The following ABCB4 variants were observed in gnomAD, a reference collection of about 807,000 sequenced individuals.
ABCB4 encodes phosphatidylcholine translocator ABCB4.
In ABCB4, 76 loss-of-function variants were observed where a neutral mutation model predicts 145.7. The ratio of observed to expected loss-of-function variants is 0.52; its 90% CI spans 0.43 to 0.63. The LOEUF (loss-of-function observed/expected upper bound fraction) is 0.63, where lower values mean the gene tolerates loss of function less well. Among genes scored for constraint, ABCB4 ranks in the 30% least tolerant of loss-of-function variants. The pLI, the probability that ABCB4 is intolerant of heterozygous loss-of-function variation, is 0.00. For synonymous variants in ABCB4, 517 were observed against 566.8 expected (o/e 0.91, Z 1.25); for missense variants, 1,234 against 1,553.1 (o/e 0.79, Z 3.45).
chr7:87,418,700 A>G, intron 19 of ABCB4, 80 bp from the exon 20 acceptor site: 1 of 1,370,044 alleles, frequency 7.3e-7, no homozygotes, highest in Non-Finnish European at 1.0e-6. Flanking sequence ...CCAAAGCTCC[A>G]ATGCTGAGGA....
the ABCB4 span, among the ~76,000 whole-genome samples, chr7:87,390,260 AGT>A: frequency 6.6e-6 from 1 of 152,164 alleles, no homozygotes; most frequent in Non-Finnish European, 1.5e-5. Context: ...TAAGATTAAG[AGT>A]GTGTTTACTT....
chr7:87,429,913 T>TA (rs1562967438), intron 15 of ABCB4, among the ~76,000 whole-genome samples: 6 of 128,170 alleles, frequency 4.7e-5, no homozygotes, highest in African/African-American at 1.8e-4. Flanking sequence ...CTTTTTTTTT[T>TA]TAAAAAAAAA....
intron 3 of ABCB4, among the ~76,000 whole-genome samples, chr7:87,468,611 C>T (rs901279103): frequency 3.3e-5 from 5 of 152,114 alleles, no homozygotes; most frequent in East Asian, 1.9e-4. Context: ...ATATCCCTGA[C>T]GAACATCAAT....
intron 21 of ABCB4, among the ~76,000 whole-genome samples, chr7:87,415,907 T>C (rs990004386): frequency 1.4e-4 from 21 of 152,148 alleles, no homozygotes; most frequent in Admixed American, 1.4e-3. Context: ...CCATATGAAA[T>C]GTGGAAAGAA....
intron 3 of ABCB4, among the ~76,000 whole-genome samples, chr7:87,468,238 C>T (rs559472082): frequency 6.6e-6 from 1 of 152,300 alleles, no homozygotes; most frequent in South Asian, 2.1e-4. Context: ...CACAGAAATA[C>T]AAACTACCAT....
chr7:87,385,439 A>G, the ABCB4 span, among the ~76,000 whole-genome samples: 1 of 151,758 alleles, frequency 6.6e-6, no homozygotes, highest in South Asian at 2.1e-4. Flanking sequence ...GGTATTTTAT[A>G]TTCTTTGTAG....
At position 87,471,586 on chromosome 7, in the gene ABCB4, G is replaced by T. The variant is rs576722300; in HGVS notation, c.135+1035C>A. ...AGTGTTTGAGAGTGTGGATGTTTTG[G>T]TGTCTTTTTATCCATTTAATTACTA... is the stretch of plus-strand genomic sequence containing the variant. On this transcript the variant is annotated intron_variant, in intron 3 of 27. Transcript: ENST00000649586. Among the ~76,000 whole-genome samples the T allele has an allele frequency of 2.2e-4, 34 of 152,186 alleles. No individual in the cohort carries two copies. The South Asian group carries it at 3.9e-3, about 18-fold the overall frequency.
chr7:87,401,151 A>G (rs1423906871), downstream of ABCB4, among the ~76,000 whole-genome samples: 1 of 152,220 alleles, frequency 6.6e-6, no homozygotes, highest in Non-Finnish European at 1.5e-5. Flanking sequence ...TGATCCACTC[A>G]CACAGTGGTC....
At chr7:87,391,733 A>G in the ABCB4 span, 4 of 1,596,186 alleles carry the variant, frequency 2.5e-6, no homozygotes, top group Middle Eastern at 3.3e-4. Context: ...GAAAGGAAAA[A>G]AACTCACAAG....
chr7:87,375,647 C>T, the ABCB4 span: 2 of 1,612,732 alleles, frequency 1.2e-6, no homozygotes, highest in Non-Finnish European at 1.7e-6. Flanking sequence ...TGACATATAT[C>T]CACAAGAAGT....
the ABCB4 span, among the ~76,000 whole-genome samples, chr7:87,389,394 CTAGA>C: frequency 6.6e-6 from 1 of 152,082 alleles, no homozygotes; most frequent in Admixed American, 6.5e-5. Flanking sequence ...CAATGATAGA[CTAGA>C]TAAAGAAAAT....
chr7:87,384,786 C>T, the ABCB4 span, among the ~76,000 whole-genome samples: 5 of 152,140 alleles, frequency 3.3e-5, no homozygotes, highest in African/African-American at 1.2e-4. Flanking sequence ...AAATATTTGC[C>T]CAGTTCAGTG....
At chr7:87,408,729 A>C (rs748178822) in intron 24 of ABCB4, among the ~76,000 whole-genome samples, 14 of 152,192 alleles carry the variant, frequency 9.2e-5, no homozygotes, top group Non-Finnish European at 1.9e-4. Flanking sequence ...GTTAAGTCCT[A>C]GCCTCTTTAC....
chr7:87,415,962 C>A (rs1808944230), intron 21 of ABCB4, among the ~76,000 whole-genome samples: 2 of 152,140 alleles, frequency 1.3e-5, no homozygotes, highest in Non-Finnish European at 2.9e-5. Context: ...CACAGTGTTT[C>A]TTCAGCAGTT....
chr7:87,417,492 T>C lies in ABCB4; in HGVS notation c.2502A>G (p.Leu834=). The C allele has an allele frequency of 1.2e-6, 2 of 1,614,162 alleles. No individual in the cohort carries two copies. The highest frequency in any genetic ancestry group is 4.5e-5 in the East Asian group (2 of 44,864). The change falls in exon 21 of 28, where the codon TTA becomes TTG. Residue 834 remains leucine (L), a synonymous_variant. Transcript: ENST00000649586. ...VQGATGTRLA[L]IAQNIANLGT... ...CAAGGTTAGCTATATTCTGTGCAAT[T>C]AAAGCCAACCTGGTTCCTGTGGCCT...
chr7:87,443,528 A>G (rs1219038167), intron 11 of ABCB4, 84 bp from the exon 12 acceptor site: 1 of 1,582,674 alleles, frequency 6.3e-7, no homozygotes, highest in East Asian at 2.3e-5. Context: ...AAATTTGAAA[A>G]AAAAGTATCA....
the ABCB4 span, among the ~76,000 whole-genome samples, chr7:87,387,198 G>T: frequency 6.6e-6 from 1 of 151,864 alleles, no homozygotes; most frequent in South Asian, 2.1e-4. Flanking sequence ...TTTCTGTGGG[G>T]AAGAGTGAAG....
Position 87,441,521 on chromosome 7 carries a change from T to G in ABCB4, c.1357-1119A>C, listed in dbSNP as rs886443166. On this transcript the variant is annotated intron_variant, in intron 12 of 27. Coordinates refer to ENST00000649586, the MANE Select transcript of ABCB4 (RefSeq NM_000443.4). ...ATATTCATATTAACTTCTCTAATAA[T>G]AAATATAATACTTTTTCCATATATA... Among the ~76,000 whole-genome samples, 4 of 152,068 alleles carry G rather than the reference T, an allele frequency of 2.6e-5. No individual in the cohort carries two copies. In the East Asian group the frequency reaches 7.7e-4, roughly 29 times the overall value.
At chr7:87,451,895 G>T in intron 6 of ABCB4, 101 bp from the exon 7 acceptor site, 2 of 1,101,548 alleles carry the variant, frequency 1.8e-6, no homozygotes, top group South Asian at 1.3e-5. Flanking sequence ...TTTGTTCACT[G>T]ACTGCAAGCC....
Sources: gnomAD v4.1 joint callset for allele counts (sites outside exome capture counted in the v4.1 genomes callset) on GRCh38, gnomAD v4.1.1 for gene constraint, MANE v1.5 for transcripts, NCBI Gene and HGNC (gene_info 2026-07-23, HGNC 2026-07-21) for gene names.